Variants in MYT1 observed in about 807,000 individuals in gnomAD.
MYT1 encodes the protein myelin transcription factor I.
MYT1 carries 23 observed loss-of-function variants against 123.0 expected under a neutral mutation model. The ratio of observed to expected loss-of-function variants is 0.19; its 90% CI spans 0.13 to 0.26. The LOEUF (loss-of-function observed/expected upper bound fraction) is 0.26. Ranked by LOEUF, MYT1 falls within the 10% of genes least tolerant of loss-of-function variation. The pLI is 1.00. For missense variants in MYT1, 1,125 were observed against 1,472.5 expected, an observed-to-expected ratio of 0.76 and a Z score of 3.86; for synonymous variants, 518 against 575.3, an observed-to-expected ratio of 0.90 and a Z score of 1.43.
chr20:64,198,497 A>G (rs1983196787), intron 2 of MYT1, among the ~76,000 whole-genome samples: 1 of 152,156 alleles, frequency 6.6e-6, no homozygotes, highest in Admixed American at 6.5e-5. Context: ...GTGTCGGGCC[A>G]GGAGACCCTC....
intron 3 of MYT1, among the ~76,000 whole-genome samples, chr20:64,199,281 G>A (rs567823134): frequency 2.0e-5 from 3 of 152,350 alleles, no homozygotes; most frequent in South Asian, 2.1e-4. Flanking sequence ...TGGGGCATAG[G>A]AGGTTGTTGG....
chr20:64,223,951 A>G (rs1984089417), intron 16 of MYT1, among the ~76,000 whole-genome samples: 1 of 151,794 alleles, frequency 6.6e-6, no homozygotes, highest in South Asian at 2.1e-4. Flanking sequence ...TACCTAACAC[A>G]TGGGCAGGGC....
intron 19 of MYT1, among the ~76,000 whole-genome samples, chr20:64,236,100 G>A (rs1984528570): frequency 7.9e-6 from 1 of 125,912 alleles, no homozygotes; most frequent in African/African-American, 3.4e-5. Flanking sequence ...GGATGGCCGT[G>A]GTGGGTGACC....
intron 3 of MYT1, 75 bp downstream of exon 3, chr20:64,198,991 C>T: frequency 2.0e-6 from 3 of 1,493,346 alleles, no homozygotes; most frequent in Non-Finnish European, 2.8e-6. Context: ...AGCACAAACC[C>T]CTAACCACAC....
intron 1 of MYT1, among the ~76,000 whole-genome samples, chr20:64,179,771 G>A (rs1982583259): frequency 6.6e-6 from 1 of 151,986 alleles, no homozygotes. Context: ...TAGTGGACAT[G>A]GCTGGGAAGA....
chr20:64,240,414 G>C lies in MYT1; in HGVS notation c.3332G>C (p.Ser1111Thr). Residue 1111 changes from serine to threonine, a missense_variant, in exon 23 of 23, where the codon AGC becomes ACC. Ser to Thr is a moderately conservative substitution (Grantham distance 58). Coordinates refer to ENST00000328439, the MANE Select transcript of MYT1 (RefSeq NM_004535.3). ...CCGGAGAACAAGGACCTCCTGGAGAGCATCAAGCAGGCTGTGAGGGGCATC... is the reference window on the plus strand; with the variant it reads ...CCGGAGAACAAGGACCTCCTGGAGACCATCAAGCAGGCTGTGAGGGGCATC... The part of the protein sequence containing the change: ...QDPENKDLLE[S>T]IKQAVRGIQV 1.2e-6 allele frequency: 2 copies of C among 1,613,806 alleles called. No homozygotes were observed. Among genetic ancestry groups the C allele is most frequent in the East Asian group, 2.2e-5 (1 of 44,884 alleles).
rs569976935 is a variant in MYT1, at chr20:64,203,476, G to T, written c.87-1559G>T. Among the ~76,000 whole-genome samples, 93 of 152,236 alleles carry T rather than the reference G, an allele frequency of 6.1e-4. No homozygotes were observed. The South Asian group carries it at 0.011, about 18-fold the overall frequency. On this transcript the variant is annotated intron_variant, in intron 4 of 22. Coordinates refer to ENST00000328439, the MANE Select transcript of MYT1 (RefSeq NM_004535.3). This position sits in a 1 kb window ranked among gnomAD's most constrained non-coding sequence, Gnocchi z 5.1. ...CAGTTTGGAAAGGGAGCCCCCAGTC[G>T]AGTGTGGTGTGCCCTCCCTCTCTCG...
At position 64,166,713 on chromosome 20, in the gene MYT1, T is replaced by C. The variant is rs556105770; in HGVS notation, c.-99+1974T>C. ...GGCAGTGGTCACCTACTCCCTTGAA[T>C]GCCCCTGGTGCATGAGTGGGGAAAC... On this transcript the variant is annotated intron_variant, in intron 1 of 22. Coordinates refer to ENST00000328439, the MANE Select transcript of MYT1 (RefSeq NM_004535.3). This position sits in a 1 kb window ranked among gnomAD's most constrained non-coding sequence, Gnocchi z 4.9. Among the ~76,000 whole-genome samples the C allele has an allele frequency of 6.6e-5, 10 of 152,200 alleles. No homozygotes were observed. The South Asian group carries it at 2.1e-3, about 31-fold the overall frequency.
At chr20:64,215,432 C>A (rs2145721692) in intron 10 of MYT1, among the ~76,000 whole-genome samples, 1 of 152,290 alleles carries the variant, frequency 6.6e-6, no homozygotes, top group East Asian at 1.9e-4. Flanking sequence ...CCTTTTGATT[C>A]TATCCAGCCC....
At chr20:64,230,788 G>T (rs1456726268) in intron 18 of MYT1, among the ~76,000 whole-genome samples, 1 of 152,210 alleles carries the variant, frequency 6.6e-6, no homozygotes, top group Non-Finnish European at 1.5e-5. Context: ...TGTCCTAAAA[G>T]TTTCTGAGGG....
At chr20:64,219,529 C>T (rs1254617662) in intron 12 of MYT1, among the ~76,000 whole-genome samples, 184 bp from the exon 13 acceptor site, 1 of 152,178 alleles carries the variant, frequency 6.6e-6, no homozygotes, top group Non-Finnish European at 1.5e-5. Context: ...TGTAGGGCCC[C>T]CTTCATGGGA....
chr20:64,198,160 G>A (rs921266388), intron 2 of MYT1, among the ~76,000 whole-genome samples: 3 of 151,704 alleles, frequency 2.0e-5, no homozygotes, highest in Non-Finnish European at 4.4e-5. Flanking sequence ...GGTAGCGGGC[G>A]CCTGTAGTCC....
chr20:64,178,952 AC>A (rs1982559018), intron 1 of MYT1, among the ~76,000 whole-genome samples: 1 of 137,380 alleles, frequency 7.3e-6, no homozygotes, highest in South Asian at 2.5e-4. Context: ...ATACCCTTCA[AC>A]GTGGGAGCAC....
rs1296978888 is a variant in MYT1, at chr20:64,212,172, A to G, written c.1517+34A>G. The G allele has an allele frequency of 2.6e-5, 26 of 991,738 alleles. No individual in the cohort carries two copies. Among genetic ancestry groups the G allele is most frequent in the Non-Finnish European group, 3.5e-5 (26 of 747,096 alleles). The allele number at this position is 991,738 out of a possible 1,614,324, so 61.4% of individuals were successfully genotyped here. A position where few individuals can be genotyped will look rare whatever the true frequency, so the allele number is the denominator to read the frequency against. On this transcript the variant is annotated intron_variant, in intron 9 of 22. Coordinates refer to ENST00000328439, the MANE Select transcript of MYT1 (RefSeq NM_004535.3). This position sits in a 1 kb window ranked among gnomAD's most constrained non-coding sequence, Gnocchi z 6.8. ...ACTGAGCTGGGCCGTAGTGGGGGCC[A>G]GGGTGGGGGCCGTGGTGGGGGCCAG...
chr20:64,170,908 G>C (rs1358524236), intron 1 of MYT1, among the ~76,000 whole-genome samples: 1 of 126,380 alleles, frequency 7.9e-6, no homozygotes, highest in African/African-American at 3.0e-5. Context: ...GAGAGAGAGA[G>C]AGAGAGAGAG....
In MYT1 at chr20:64,166,067, C is replaced by T. The variant is rs901681128; in HGVS notation, c.-99+1328C>T. 3.9e-5 allele frequency among the ~76,000 whole-genome samples: 6 copies of T among 152,084 alleles called. No individual in the cohort carries two copies. Among genetic ancestry groups the T allele is most frequent in the Non-Finnish European group, 8.8e-5 (6 of 67,994 alleles). ...CTGACTGAGGGAGGCTCCCCTCGGC[C>T]CCCAGCCTCCCTGCCACCCCGGGCT... is the stretch of plus-strand genomic sequence containing the variant. On this transcript the variant is annotated intron_variant, in intron 1 of 22. Transcript: ENST00000328439. The surrounding 1 kb of genome is among the most constrained non-coding windows in gnomAD (Gnocchi z 4.9).
At chr20:64,216,959 C>T (rs1195543949) in intron 10 of MYT1, 108 bp from the exon 11 acceptor site, 6 of 1,043,286 alleles carry the variant, frequency 5.8e-6, no homozygotes, top group Non-Finnish European at 7.2e-6. Flanking sequence ...TCCTTCCTCA[C>T]CAGACGCTGT....
intron 13 of MYT1, among the ~76,000 whole-genome samples, chr20:64,220,928 G>A (rs1444558628): frequency 1.3e-5 from 1 of 78,178 alleles, no homozygotes; most frequent in Non-Finnish European, 2.8e-5. Flanking sequence ...GAAGGGTGGG[G>A]GCTGGATCAG....
At position 64,227,987 on chromosome 20, in the gene MYT1, C is replaced by T; in HGVS notation, c.2675+16C>T. The T allele has an allele frequency of 6.2e-7, 1 of 1,611,486 alleles. No homozygotes were observed. The highest frequency in any genetic ancestry group is 8.5e-7 in the Non-Finnish European group (1 of 1,177,872). On this transcript the variant is annotated intron_variant, in intron 18 of 22. Transcript: ENST00000328439. Reference sequence around the variant, plus strand: ...AGCTGATGAAGTACGTTGGGCCATGCTGGCTCTTTCATTGCATTGCGGAAT... The same window carrying T: ...AGCTGATGAAGTACGTTGGGCCATGTTGGCTCTTTCATTGCATTGCGGAAT...
Sources: allele counts gnomAD v4.1 joint callset (sites outside exome capture counted in the v4.1 genomes callset), GRCh38; gene constraint gnomAD v4.1.1; non-coding constraint Gnocchi (gnomAD v3.1); transcripts MANE v1.5; gene names NCBI Gene and HGNC (gene_info 2026-07-23, HGNC 2026-07-21).